Variants in UGT3A1 observed in about 807,000 individuals in gnomAD.
UGT3A1 encodes the protein UDP-glycosyltransferase 3A1.
UGT3A1 carries 40 observed loss-of-function variants against 37.6 expected under a neutral mutation model. That is an observed-to-expected ratio of 1.06 (90% CI 0.83 to 1.38). The LOEUF (loss-of-function observed/expected upper bound fraction) is 1.38. UGT3A1 is among the 40% of genes most tolerant of loss of function. UGT3A1 has a pLI of 0.00. For missense variants in UGT3A1, 642 were observed against 634.2 expected (o/e 1.01, Z -0.13); for synonymous variants, 256 against 232.3 (o/e 1.10, Z -0.93).
chr5:35,975,259 G>T (rs946354959), intron 2 of UGT3A1, among the ~76,000 whole-genome samples: 2 of 152,198 alleles, frequency 1.3e-5, no homozygotes, highest in African/African-American at 2.4e-5. Context: ...AGTTGACCTG[G>T]ATACTGCCAC....
upstream of UGT3A1, among the ~76,000 whole-genome samples, chr5:35,993,778 G>A (rs75624215): frequency 0.051 from 7,710 of 152,108 alleles, 673 homozygotes; most frequent in African/African-American, 0.18. Context: ...GTTTGGTTCC[G>A]GCTTGGGCAC....
At chr5:35,986,359 G>T (rs988353179) in intron 2 of UGT3A1, among the ~76,000 whole-genome samples, 1 of 151,984 alleles carries the variant, frequency 6.6e-6, no homozygotes, top group Non-Finnish European at 1.5e-5. Context: ...ATATCGAAGA[G>T]ATAGCTTCAT....
At chr5:35,957,471 T>C in intron 4 of UGT3A1, 52 bp from the exon 5 acceptor site, 1 of 1,477,066 alleles carries the variant, frequency 6.8e-7, no homozygotes, top group Non-Finnish European at 9.3e-7. Flanking sequence ...AACGCCTAAG[T>C]GTCCATGAAA....
intron 4 of UGT3A1, among the ~76,000 whole-genome samples, chr5:35,964,342 T>A (rs993698823): frequency 6.6e-6 from 1 of 152,108 alleles, no homozygotes; most frequent in Non-Finnish European, 1.5e-5. Flanking sequence ...CTAGCCAGCG[T>A]CACCCAGAGA....
chr5:35,971,333 C>T (rs1395772384), intron 2 of UGT3A1, among the ~76,000 whole-genome samples: 1 of 152,160 alleles, frequency 6.6e-6, no homozygotes, highest in African/African-American at 2.4e-5. Context: ...GCTTCAGTTA[C>T]ATTCCTGAGA....
At chr5:35,976,024 C>T (rs1740254509) in intron 2 of UGT3A1, among the ~76,000 whole-genome samples, 1 of 152,158 alleles carries the variant, frequency 6.6e-6, no homozygotes, top group African/African-American at 2.4e-5. Flanking sequence ...CATCACCACT[C>T]ACTATTTCCC....
At chr5:35,962,819 C>A in intron 4 of UGT3A1, 1 of 693,736 alleles carries the variant, frequency 1.4e-6, no homozygotes, top group Non-Finnish European at 2.6e-6. Context: ...TCAAAGCAGA[C>A]TCAGTGGTTC....
At chr5:35,960,874 T>C (rs998030911) in intron 4 of UGT3A1, 1 of 152,346 alleles carries the variant, frequency 6.6e-6, no homozygotes, top group African/African-American at 2.4e-5. Flanking sequence ...TGATCTCCTC[T>C]CCAATCGCCC....
In UGT3A1 at chr5:35,957,264, A is replaced by T; in HGVS notation, c.999T>A (p.Ser333Arg). ...AATGAACATCTCTGGGCCAATGAGA[A>T]CTCTGACATGTCCATATCACTCCTT... ...LPQGVIWTCQ[S>R]SHWPRDVHLA... The change falls in exon 5 of 7, where the codon AGT (serine) becomes AGA (arginine). Residue 333 changes from serine to arginine, a missense_variant. Physicochemically the swap from Ser to Arg is moderately radical, Grantham distance 110. Transcript: ENST00000274278. The T allele has an allele frequency of 6.2e-7, 1 of 1,613,966 alleles. No homozygotes were observed. Among genetic ancestry groups the T allele is most frequent in the Admixed American group, 1.7e-5 (1 of 59,984 alleles).
At chr5:35,983,646 T>G (rs923391373) in intron 2 of UGT3A1, among the ~76,000 whole-genome samples, 1 of 151,928 alleles carries the variant, frequency 6.6e-6, no homozygotes, top group African/African-American at 2.4e-5. Flanking sequence ...GCAAAAATCC[T>G]CAACAAAATA....
chr5:35,975,575 TG>T (rs1331377659), intron 2 of UGT3A1, among the ~76,000 whole-genome samples: 3 of 152,312 alleles, frequency 2.0e-5, no homozygotes, highest in African/African-American at 7.2e-5. Flanking sequence ...GCAAATAAAC[TG>T]CAGCATGAGT....
rs943592870 is a variant in UGT3A1, at chr5:35,977,673, G to C, written c.197-9540C>G. ...TGGTGCCATGCTTGTACAGCCTGCA[G>C]AACTGTGAGTCAAATAAACCTCTTT... On this transcript the variant is annotated intron_variant, in intron 2 of 6. Coordinates refer to ENST00000274278, the MANE Select transcript of UGT3A1 (RefSeq NM_152404.4). Among the ~76,000 whole-genome samples, 3 of 152,354 alleles carry C rather than the reference G, an allele frequency of 2.0e-5. No homozygotes were observed. In the Middle Eastern group the frequency reaches 0.01, roughly 518 times the overall value.
chr5:35,995,672 G>A (rs1203499187), upstream of UGT3A1, among the ~76,000 whole-genome samples: 8 of 151,996 alleles, frequency 5.3e-5, no homozygotes, highest in East Asian at 3.9e-4. Flanking sequence ...ACCAGCCCCC[G>A]AAATCCAGAA....
intron 5 of UGT3A1, among the ~76,000 whole-genome samples, chr5:35,956,179 A>G (rs1329221096): frequency 6.6e-6 from 1 of 152,136 alleles, no homozygotes; most frequent in Non-Finnish European, 1.5e-5. Context: ...TCATCTCTCC[A>G]TTTACTTCCT....
At chr5:35,986,131 G>A (rs1740719958) in intron 2 of UGT3A1, among the ~76,000 whole-genome samples, 1 of 152,068 alleles carries the variant, frequency 6.6e-6, no homozygotes, top group Non-Finnish European at 1.5e-5. Flanking sequence ...AAATCACAAT[G>A]TGATATCATC....
chr5:35,954,306 C>A lies in UGT3A1; in HGVS notation c.1468G>T (p.Val490Leu). The change falls in exon 7 of 7, where the codon GTG becomes TTG. Residue 490 changes from valine (V) to leucine (L), a missense_variant. Coordinates refer to ENST00000274278, the MANE Select transcript of UGT3A1 (RefSeq NM_152404.4). ...WHEQYLIDVFVFLLGLTLGTM... is the reference protein window; with the variant it reads ...WHEQYLIDVFLFLLGLTLGTM... ...CCCAGAGTGAGCCCCAGCAGAAACACAAAGACATCAATGAGGTACTGCTCA... is the reference window on the plus strand; with the variant it reads ...CCCAGAGTGAGCCCCAGCAGAAACAAAAAGACATCAATGAGGTACTGCTCA... 6.2e-7 allele frequency: 1 copy of A among 1,614,210 alleles called. No homozygotes were observed. Among genetic ancestry groups the A allele is most frequent in the South Asian group, 1.1e-5 (1 of 91,084 alleles).
At chr5:35,981,434 T>C (rs1740518096) in intron 2 of UGT3A1, among the ~76,000 whole-genome samples, 1 of 151,986 alleles carries the variant, frequency 6.6e-6, no homozygotes, top group Admixed American at 6.6e-5. Context: ...ATGACGAACT[T>C]ATTGGGAACT....
intron 3 of UGT3A1, among the ~76,000 whole-genome samples, chr5:35,967,553 C>A (rs1739860237): frequency 6.6e-6 from 1 of 152,080 alleles, no homozygotes; most frequent in African/African-American, 2.4e-5. Context: ...TAAGAGTTTT[C>A]TCCATTAGTG....
In UGT3A1 at chr5:35,988,532, C is replaced by T. The variant is rs1740813016; in HGVS notation, c.114G>A (p.Leu38=). 3 of 1,612,818 alleles carry T rather than the reference C, an allele frequency of 1.9e-6. No homozygotes were observed. The highest frequency in any genetic ancestry group is 2.5e-6 in the Non-Finnish European group (3 of 1,179,456). The part of the protein sequence containing the change: ...ISTLGGSHYL[L]LDRVSQILQE... ...GAAGAATCTGAGACACCCGGTCCAA[C>T]AGTAGGTAATGGCTTCCACCTAGAA... Residue 38 remains leucine, a synonymous_variant, in exon 2 of 7, where the codon CTG becomes CTA. Coordinates refer to ENST00000274278, the MANE Select transcript of UGT3A1 (RefSeq NM_152404.4).
Sources: gnomAD v4.1 joint callset for allele counts (sites outside exome capture counted in the v4.1 genomes callset) on GRCh38, gnomAD v4.1.1 for gene constraint, MANE v1.5 for transcripts, NCBI Gene and HGNC (gene_info 2026-07-23, HGNC 2026-07-21) for gene names.